The following SLC27A1 variants were observed in gnomAD, a reference collection of about 807,000 sequenced individuals.
SLC27A1 encodes long-chain fatty acid transport protein 1.
Under a neutral mutation model 62.2 loss-of-function variants are expected in SLC27A1, and 61 were observed. That is an observed-to-expected ratio of 0.98 (90% CI 0.80 to 1.21). The LOEUF is 1.21. Ranked by LOEUF, SLC27A1 falls within the 50% of genes most tolerant of loss-of-function variation. The pLI is 0.00. For synonymous variants in SLC27A1, 435 were observed against 408.6 expected (o/e 1.06, Z -0.78); for missense variants, 903 against 932.1 (o/e 0.97, Z 0.41).
At chr19:17,472,935 C>T (rs1385503419) in intron 1 of SLC27A1, among the ~76,000 whole-genome samples, 2 of 152,092 alleles carry the variant, frequency 1.3e-5, no homozygotes, top group East Asian at 1.9e-4. Flanking sequence ...GCTGGGACTA[C>T]AAACGCCTGC....
chr19:17,476,898 T>C (rs2075128500), intron 1 of SLC27A1, among the ~76,000 whole-genome samples: 2 of 150,054 alleles, frequency 1.3e-5, no homozygotes, highest in African/African-American at 2.4e-5. Context: ...TTTTTTTTTT[T>C]TTTTTTTTGA....
intron 1 of SLC27A1, among the ~76,000 whole-genome samples, chr19:17,471,180 G>A (rs1210711715): frequency 1.3e-5 from 2 of 151,848 alleles, no homozygotes; most frequent in Non-Finnish European, 2.9e-5. Flanking sequence ...AGTCTCTGGG[G>A]GGTTGCCAAG....
intron 1 of SLC27A1, among the ~76,000 whole-genome samples, chr19:17,482,279 C>T (rs534168024): frequency 1.6e-4 from 25 of 152,190 alleles, no homozygotes; most frequent in Non-Finnish European, 1.5e-4. Context: ...AGCACTTTGC[C>T]GGGGTGAGGC....
intron 1 of SLC27A1, among the ~76,000 whole-genome samples, chr19:17,476,652 A>C (rs916599518): frequency 6.6e-5 from 10 of 151,974 alleles, no homozygotes; most frequent in African/African-American, 2.4e-4. Flanking sequence ...AATGCTTTGT[A>C]ATAAGTCTGC....
In SLC27A1 at chr19:17,487,190, C is replaced by G; in HGVS notation, c.579C>G (p.Ser193Arg). The G allele has an allele frequency of 6.2e-7, 1 of 1,614,074 alleles. No individual in the cohort carries two copies. Among genetic ancestry groups the G allele is most frequent in the Non-Finnish European group, 8.5e-7 (1 of 1,179,978 alleles). ...GEMVAAVAEV[S>R]GHLGKSLIKF... ...GGACCACAGCGGTGGCCGAAGTGAG[C>G]GGGCATCTGGGGAAAAGTTTGATCA... Residue 193 changes from serine to arginine, a missense_variant, in exon 3 of 12, where the codon AGC becomes AGG. Coordinates refer to ENST00000252595, the MANE Select transcript of SLC27A1 (RefSeq NM_198580.3).
intron 7 of SLC27A1, 40 bp downstream of exon 7, chr19:17,497,504 A>G (rs774603267): frequency 2.6e-6 from 4 of 1,535,678 alleles, no homozygotes; most frequent in East Asian, 2.3e-5. Flanking sequence ...CTCGGAGTTC[A>G]GGGAAGACCA....
At chr19:17,482,716 A>G (rs1411785839) in intron 1 of SLC27A1, among the ~76,000 whole-genome samples, 2 of 149,886 alleles carry the variant, frequency 1.3e-5, no homozygotes, top group Non-Finnish European at 3.0e-5. Flanking sequence ...CTGTATCACC[A>G]CAGGGTCTTG....
At chr19:17,485,971 G>A (rs1342433980) in intron 1 of SLC27A1, among the ~76,000 whole-genome samples, 8 of 152,134 alleles carry the variant, frequency 5.3e-5, no homozygotes, top group Admixed American at 2.0e-4. Context: ...ATCTACTAGC[G>A]AGTGGGGAAG....
At chr19:17,480,558 T>G (rs1193862873) in intron 1 of SLC27A1, among the ~76,000 whole-genome samples, 1 of 149,398 alleles carries the variant, frequency 6.7e-6, no homozygotes, top group East Asian at 2.0e-4. Flanking sequence ...TTTTTTTTTT[T>G]GCAGAGATGA....
chr19:17,481,314 T>C (rs1422745678), intron 1 of SLC27A1, among the ~76,000 whole-genome samples: 1 of 126,702 alleles, frequency 7.9e-6, no homozygotes, highest in African/African-American at 3.2e-5. Flanking sequence ...GTTTAGTTCC[T>C]TTTTTTTTTT....
intron 6 of SLC27A1, among the ~76,000 whole-genome samples, chr19:17,490,358 T>C (rs2075282392): frequency 6.6e-6 from 1 of 152,052 alleles, no homozygotes; most frequent in African/African-American, 2.4e-5. Flanking sequence ...TTCGCCATGT[T>C]GCCCAGGCTG....
chr19:17,484,332 G>C (rs73020436), intron 1 of SLC27A1, among the ~76,000 whole-genome samples: 16 of 152,172 alleles, frequency 1.1e-4, no homozygotes, highest in African/African-American at 3.6e-4. Flanking sequence ...GGTGGCCCAC[G>C]CCTGTAATCC....
rs761115813 is a variant in SLC27A1 at position 17,504,707 on chromosome 19, C to G, written c.*95C>G. ...CCAGGGGTGGCCGCCTAGTACACAC[C>G]CACCTGGCCGAGCTGTACCTGGCAC... is the stretch of plus-strand genomic sequence containing the variant. On this transcript the variant is annotated 3_prime_UTR_variant, in exon 12 of 12. Transcript: ENST00000252595. 2.0e-6 allele frequency: 3 copies of G among 1,512,748 alleles called. No homozygotes were observed. Among genetic ancestry groups the G allele is most frequent in the Admixed American group, 3.7e-5 (2 of 54,398 alleles). The allele number at this position is 1,512,748 out of a possible 1,614,324, so 93.7% of individuals were successfully genotyped here. A position where few individuals can be genotyped will look rare whatever the true frequency, so the allele number is the denominator to read the frequency against.
chr19:17,494,211 G>C (rs1208681272), intron 6 of SLC27A1, among the ~76,000 whole-genome samples: 1 of 151,076 alleles, frequency 6.6e-6, no homozygotes, highest in Non-Finnish European at 1.5e-5. Flanking sequence ...TTTTAGTACA[G>C]ACAGGGTTTC....
At chr19:17,471,324 G>A (rs528024833) in intron 1 of SLC27A1, among the ~76,000 whole-genome samples, 12 of 152,226 alleles carry the variant, frequency 7.9e-5, no homozygotes, top group African/African-American at 2.9e-4. Flanking sequence ...TTTGGGGTCT[G>A]TGTGGGACTT....
At chr19:17,495,425 G>A (rs985856658) in intron 6 of SLC27A1, 2 of 152,108 alleles carry the variant, frequency 1.3e-5, no homozygotes, top group African/African-American at 4.8e-5. Context: ...GGGATTACAG[G>A]AGTGTGCCAC....
chr19:17,470,812 C>A, intron 1 of SLC27A1, 105 bp downstream of exon 1: 1 of 562,960 alleles, frequency 1.8e-6, no homozygotes, highest in Non-Finnish European at 2.1e-6. Flanking sequence ...GTCCGGAGAG[C>A]TGAGGGTGCT....
At chr19:17,480,912 C>T (rs1218948041) in intron 1 of SLC27A1, among the ~76,000 whole-genome samples, 3 of 150,322 alleles carry the variant, frequency 2.0e-5, no homozygotes, top group Non-Finnish European at 4.4e-5. Context: ...ATAACGAAAA[C>T]GTGGTATTTG....
chr19:17,485,191 C>CTTTTT (rs386388659), intron 1 of SLC27A1, among the ~76,000 whole-genome samples: 28,408 of 103,204 alleles, frequency 0.28, 4,481 homozygotes, highest in Non-Finnish European at 0.39. Flanking sequence ...TTTTTGTTTC[C>CTTTTT]TTTTTTTTTT....
Sources: allele counts gnomAD v4.1 joint callset (sites outside exome capture counted in the v4.1 genomes callset), GRCh38; gene constraint gnomAD v4.1.1; transcripts MANE v1.5; gene names NCBI Gene and HGNC (gene_info 2026-07-23, HGNC 2026-07-21).